Variants in TENM2 observed in about 807,000 individuals in gnomAD.
TENM2 encodes the protein teneurin transmembrane protein 2, also known as teneurin-2.
A neutral mutation model predicts 245.2 loss-of-function variants in TENM2; 52 were observed. The observed-to-expected ratio is 0.21, with a 90% CI of 0.17 to 0.27. The LOEUF (loss-of-function observed/expected upper bound fraction) is 0.27, where lower values mean the gene tolerates loss of function less well. Ranked by LOEUF, TENM2 falls within the 10% of genes least tolerant of loss-of-function variation. The pLI, the probability that TENM2 is intolerant of heterozygous loss-of-function variation, is 1.00. For synonymous variants in TENM2, 1,363 were observed against 1,438.9 expected (o/e 0.95, Z 1.19); for missense variants, 3,046 against 3,666.8 (o/e 0.83, Z 4.37).
the TENM2 span, among the ~76,000 whole-genome samples, chr5:167,025,262 T>C: frequency 6.6e-6 from 1 of 152,172 alleles, no homozygotes; most frequent in African/African-American, 2.4e-5. Flanking sequence ...TTTAAAATAT[T>C]TTACATTCTT....
chr5:167,268,867 A>AAGATGCAT, the TENM2 span, among the ~76,000 whole-genome samples: 16 of 127,010 alleles, frequency 1.3e-4, no homozygotes, highest in East Asian at 4.0e-3. Context: ...TCCTTTCCAA[A>AAGATGCAT]AGATACATAG....
chr5:167,426,052 C>T (rs1340905486), intron 2 of TENM2, among the ~76,000 whole-genome samples: 2 of 152,058 alleles, frequency 1.3e-5, no homozygotes, highest in Non-Finnish European at 2.9e-5. Context: ...ATTTTTGTTA[C>T]TGGGAATGAA....
At chr5:167,200,147 A>G in the TENM2 span, among the ~76,000 whole-genome samples, 12 of 151,992 alleles carry the variant, frequency 7.9e-5, no homozygotes, top group East Asian at 1.7e-3. Flanking sequence ...ATACCTTTCT[A>G]TCCCCCTTTG....
chr5:167,011,280 A>T, the TENM2 span, among the ~76,000 whole-genome samples: 1 of 152,212 alleles, frequency 6.6e-6, no homozygotes, highest in African/African-American at 2.4e-5. Flanking sequence ...ACGTCTAAGT[A>T]ATGCATTGTA....
At position 167,551,584 on chromosome 5, in the gene TENM2, A is replaced by G. The variant is rs144824170; in HGVS notation, c.502+176111A>G. Among the ~76,000 whole-genome samples the G allele has an allele frequency of 1.0e-3, 154 of 152,294 alleles. 2 individuals carry two copies. In the East Asian group the frequency reaches 0.027, roughly 27 times the overall value. On this transcript the variant is annotated intron_variant, in intron 2 of 28. Transcript: ENST00000518659. ...CATAACACTTAACCAATCTCTCTATATGGATATATACACACACATACATAC... is the reference window on the plus strand; with the variant it reads ...CATAACACTTAACCAATCTCTCTATGTGGATATATACACACACATACATAC...
At chr5:167,870,509 T>A (rs577685109) in intron 2 of TENM2, among the ~76,000 whole-genome samples, 3 of 151,174 alleles carry the variant, frequency 2.0e-5, no homozygotes, top group African/African-American at 7.3e-5. Context: ...AAGACAGTCT[T>A]ACTAAGTTCA....
chr5:168,135,811 A>G (rs1196111005), intron 12 of TENM2, among the ~76,000 whole-genome samples: 1 of 152,202 alleles, frequency 6.6e-6, no homozygotes, highest in African/African-American at 2.4e-5. Flanking sequence ...GTCCCCAGTG[A>G]TAGGACGAAA....
the TENM2 span, among the ~76,000 whole-genome samples, chr5:167,103,829 A>C: frequency 5.3e-5 from 8 of 151,468 alleles, no homozygotes; most frequent in Admixed American, 3.9e-4. Flanking sequence ...CACATCCTTC[A>C]CACAATAGCA....
chr5:167,683,513 T>C (rs1372755148), intron 2 of TENM2, among the ~76,000 whole-genome samples: 2 of 152,220 alleles, frequency 1.3e-5, no homozygotes, highest in Non-Finnish European at 2.9e-5. Context: ...TGGTTGAATG[T>C]AATATAATCC....
rs186691591 is a variant in TENM2 at position 167,816,191 on chromosome 5, G to A, written c.503-59795G>A. Among the ~76,000 whole-genome samples, 178 of 152,136 alleles carry A rather than the reference G, an allele frequency of 1.2e-3. 1 individual carries two copies. Among genetic ancestry groups the A allele is most frequent in the African/African-American group, 4.0e-3 (165 of 41,502 alleles). ...AAGTATGCAGAAGACACCTGTTTCC[G>A]GAACAGAAGGGAGGGGAAGGTGTGG... On this transcript the variant is annotated intron_variant, in intron 2 of 28. Transcript: ENST00000518659.
chr5:167,248,171 A>G, the TENM2 span, among the ~76,000 whole-genome samples: 6 of 152,272 alleles, frequency 3.9e-5, no homozygotes, highest in African/African-American at 1.2e-4. Context: ...ATGAAATTTG[A>G]CGGATTTTTG....
At chr5:168,188,863 T>C (rs1238383583) in intron 13 of TENM2, among the ~76,000 whole-genome samples, 2 of 152,210 alleles carry the variant, frequency 1.3e-5, no homozygotes, top group Non-Finnish European at 2.9e-5. Context: ...TGAGAACCTC[T>C]GATTCAGGGA....
intron 9 of TENM2, among the ~76,000 whole-genome samples, chr5:168,107,053 G>A (rs942078556): frequency 6.6e-6 from 1 of 152,044 alleles, no homozygotes; most frequent in Non-Finnish European, 1.5e-5. Context: ...GTGAGAGAAA[G>A]AGACAGAGAG....
At chr5:168,226,650 A>G (rs1199043708) in intron 24 of TENM2, among the ~76,000 whole-genome samples, 1 of 152,094 alleles carries the variant, frequency 6.6e-6, no homozygotes, top group Non-Finnish European at 1.5e-5. Context: ...GCTCACCACT[A>G]GACTTCATAT....
chr5:167,826,794 C>G (rs545793962), intron 2 of TENM2, among the ~76,000 whole-genome samples: 1 of 152,346 alleles, frequency 6.6e-6, no homozygotes, highest in East Asian at 1.9e-4. Flanking sequence ...AGGTACCTCC[C>G]TGATATCCCA....
intron 1 of TENM2, among the ~76,000 whole-genome samples, chr5:167,361,099 G>A: frequency 6.6e-6 from 1 of 152,174 alleles, no homozygotes; most frequent in East Asian, 1.9e-4. Flanking sequence ...GGGACATGCT[G>A]AGTGATGTGA....
chr5:167,086,918 AACACACACACGCACACACACACAC>A, the TENM2 span, among the ~76,000 whole-genome samples: 1 of 109,934 alleles, frequency 9.1e-6, no homozygotes, highest in African/African-American at 4.3e-5. Context: ...AGGAAACTCT[AACACACACACGCACACACACACAC>A]ACACACACAC....
chr5:167,283,448 C>A (rs1395594443), upstream of TENM2, among the ~76,000 whole-genome samples: 1 of 151,242 alleles, frequency 6.6e-6, no homozygotes, highest in East Asian at 2.0e-4. Context: ...TCCCTGAGAT[C>A]TAGAAGAACT....
chr5:167,808,080 A>G (rs1381329358), intron 2 of TENM2, among the ~76,000 whole-genome samples: 1 of 152,174 alleles, frequency 6.6e-6, no homozygotes, highest in African/African-American at 2.4e-5. Context: ...TCTCAGCAGG[A>G]TGTAGTATAG....
Sources: gnomAD v4.1 joint callset for allele counts (sites outside exome capture counted in the v4.1 genomes callset) on GRCh38, gnomAD v4.1.1 for gene constraint, MANE v1.5 for transcripts, NCBI Gene and HGNC (gene_info 2026-07-23, HGNC 2026-07-21) for gene names.